Variants in SLMAP observed in about 807,000 individuals in gnomAD.
SLMAP encodes the protein sarcolemma associated protein, also known as sarcolemmal membrane-associated protein.
In SLMAP, 44 loss-of-function variants were observed where a neutral mutation model predicts 128.8. The observed-to-expected ratio is 0.34, with a 90% CI of 0.27 to 0.44. SLMAP has a LOEUF of 0.44. Among genes scored for constraint, SLMAP ranks in the 20% least tolerant of loss-of-function variants. The pLI, the probability that SLMAP is intolerant of heterozygous loss-of-function variation, is 1.00. For missense variants in SLMAP, 787 were observed against 985.3 expected (o/e 0.80, Z 2.69); for synonymous variants, 327 against 348.8 (o/e 0.94, Z 0.70).
At chr3:57,923,605 A>T (rs1273443849) in intron 23 of SLMAP, among the ~76,000 whole-genome samples, 1 of 152,218 alleles carries the variant, frequency 6.6e-6, no homozygotes, top group Non-Finnish European at 1.5e-5. Context: ...CTTTAAAAAG[A>T]TGTTATACTA....
intron 13 of SLMAP, among the ~76,000 whole-genome samples, chr3:57,869,630 T>TTATATGTATGTATATATATA (rs1553900185): frequency 2.6e-5 from 2 of 75,474 alleles, no homozygotes; most frequent in African/African-American, 1.0e-4. Flanking sequence ...CCCATCTCTA[T>TTATATGTATGTATATATATA]TATATATATA....
intron 5 of SLMAP, among the ~76,000 whole-genome samples, chr3:57,847,730 T>C (rs2094321475): frequency 6.6e-6 from 1 of 152,232 alleles, no homozygotes; most frequent in Non-Finnish European, 1.5e-5. Context: ...TGTTCAGAAA[T>C]AATGGTTTAT....
intron 3 of SLMAP, among the ~76,000 whole-genome samples, chr3:57,832,989 C>T (rs1177499331): frequency 6.6e-6 from 1 of 152,176 alleles, no homozygotes; most frequent in African/African-American, 2.4e-5. Context: ...CCATATCACA[C>T]CTACAAGTCA....
Position 57,927,470 on chromosome 3 carries a change from T to G in SLMAP, c.*181T>G, listed in dbSNP as rs2097029925. The G allele has an allele frequency of 1.3e-6, 1 of 750,408 alleles. No individual in the cohort carries two copies. Among genetic ancestry groups the G allele is most frequent in the African/African-American group, 1.7e-5 (1 of 58,238 alleles). The allele number at this position is 750,408 out of a possible 1,614,324, so 46.5% of individuals were successfully genotyped here. On this transcript the variant is annotated 3_prime_UTR_variant, in exon 25 of 25. Transcript: ENST00000671191. ...GCTGGGGACAAACAGAACCATTTTC[T>G]TCCTCTTTACCTCTTAAAACAGCAG...
chr3:57,924,356 CT>C (rs886938323), intron 23 of SLMAP, among the ~76,000 whole-genome samples: 4 of 146,464 alleles, frequency 2.7e-5, no homozygotes, highest in African/African-American at 7.5e-5. Context: ...ACTCAGCTGC[CT>C]TTTTTTTTTC....
intron 2 of SLMAP, among the ~76,000 whole-genome samples, chr3:57,766,068 G>T (rs531332579): frequency 6.8e-6 from 1 of 147,412 alleles, no homozygotes; most frequent in Non-Finnish European, 1.5e-5. Context: ...GCGCGATCTC[G>T]GCTCATTGTA....
In SLMAP at chr3:57,916,939, T is replaced by C; in HGVS notation, c.2172T>C (p.Asp724=). The C allele has an allele frequency of 1.2e-6, 2 of 1,613,932 alleles. No individual in the cohort carries two copies. Among genetic ancestry groups the C allele is most frequent in the South Asian group, 2.2e-5 (2 of 91,074 alleles). The change falls in exon 22 of 25, where the codon GAT becomes GAC. Residue 724 remains aspartate, a synonymous_variant. Transcript: ENST00000671191. ...AGCAGAGTTTAGAGCTTACCAGTGA[T>C]CTCAGCATCCTTCAAATGTCTAGGA... is the stretch of plus-strand genomic sequence containing the variant. ...SQKQSLELTS[D]LSILQMSRKE... is the part of the protein sequence containing the mutation.
chr3:57,918,422 G>C (rs1349880621), intron 22 of SLMAP: 1 of 152,248 alleles, frequency 6.6e-6, no homozygotes, highest in Non-Finnish European at 1.5e-5. Context: ...GTGGCATGTT[G>C]TCACAGCATC....
At chr3:57,885,175 C>T (rs143308699) in intron 14 of SLMAP, among the ~76,000 whole-genome samples, 1,785 of 151,452 alleles carry the variant, frequency 0.012, 35 homozygotes, top group African/African-American at 0.041. Flanking sequence ...CAGGTTCAAG[C>T]AATTCTCCTG....
intron 8 of SLMAP, among the ~76,000 whole-genome samples, chr3:57,860,197 G>A (rs1455276038): frequency 2.0e-5 from 3 of 152,040 alleles, no homozygotes; most frequent in Non-Finnish European, 4.4e-5. Context: ...CCCATCTTTG[G>A]TCTGTGTAAA....
intron 14 of SLMAP, among the ~76,000 whole-genome samples, chr3:57,885,823 G>A (rs1178000291): frequency 3.7e-5 from 4 of 109,104 alleles, no homozygotes; most frequent in African/African-American, 7.3e-5. Flanking sequence ...TTGCTCTGTC[G>A]CCCAGGCTGG....
Position 57,929,909 on chromosome 3 carries a change from A to C in SLMAP, c.*2620A>C, listed in dbSNP as rs917516082. Among the ~76,000 whole-genome samples, 8 of 152,252 alleles carry C rather than the reference A, an allele frequency of 5.3e-5. No homozygotes were observed. Among genetic ancestry groups the C allele is most frequent in the Admixed American group, 5.2e-4 (8 of 15,280 alleles). ...CCATTCGAGTGGTGAATACGTTTTTATGAGAATGTCATACTGAAAAAATAT... is the reference window on the plus strand; with the variant it reads ...CCATTCGAGTGGTGAATACGTTTTTCTGAGAATGTCATACTGAAAAAATAT... On this transcript the variant is annotated 3_prime_UTR_variant, in exon 25 of 25. Transcript: ENST00000671191.
chr3:57,911,248 T>C (rs1020874210), intron 19 of SLMAP, among the ~76,000 whole-genome samples: 1 of 152,200 alleles, frequency 6.6e-6, no homozygotes, highest in East Asian at 1.9e-4. Flanking sequence ...TCATCTTCTC[T>C]GGCCATTGTG....
At chr3:57,768,400 C>T (rs919375826) in intron 2 of SLMAP, among the ~76,000 whole-genome samples, 16 of 152,156 alleles carry the variant, frequency 1.1e-4, no homozygotes, top group African/African-American at 3.9e-4. Context: ...TTTACTTATA[C>T]AAATAACAGG....
chr3:57,868,341 C>T (rs1433470656), intron 13 of SLMAP, among the ~76,000 whole-genome samples: 3 of 151,942 alleles, frequency 2.0e-5, no homozygotes, highest in Non-Finnish European at 4.4e-5. Flanking sequence ...CTCCTGTAAT[C>T]CCAGCAAGGG....
chr3:57,830,670 C>T (rs1236070671), intron 2 of SLMAP, among the ~76,000 whole-genome samples: 5 of 152,158 alleles, frequency 3.3e-5, no homozygotes, highest in Non-Finnish European at 7.3e-5. Context: ...GGACAACCAT[C>T]ACCACTAATT....
At chr3:57,899,627 T>A (rs1380431440) in intron 17 of SLMAP, 1 of 152,210 alleles carries the variant, frequency 6.6e-6, no homozygotes, top group Admixed American at 6.5e-5. Context: ...CTTGAACTTC[T>A]GAGCTCAAGC....
At chr3:57,814,735 A>G (rs2091603381) in intron 2 of SLMAP, among the ~76,000 whole-genome samples, 1 of 151,992 alleles carries the variant, frequency 6.6e-6, no homozygotes, top group South Asian at 2.1e-4. Context: ...GGACTTTGGG[A>G]GGCTGAGGCA....
rs1383567525 is a variant in SLMAP, at chr3:57,906,671, AAAAATATAT to A, written c.1502-1211_1502-1203del. Reference sequence around the variant, plus strand: ...AGGATATAATCTATGAATATGAAAAAAAAATATATATATATATATATATATATATAATTT... The same window carrying A: ...AGGATATAATCTATGAATATGAAAAAATATATATATATATATATATAATTT... On this transcript the variant is annotated intron_variant, in intron 17 of 24. Transcript: ENST00000671191. Among the ~76,000 whole-genome samples the A allele has an allele frequency of 7.5e-3, 208 of 27,820 alleles. 1 individual carries two copies. The highest frequency in any genetic ancestry group is 0.016 in the African/African-American group (196 of 12,282). 18.3% of individuals were successfully genotyped at this position (27,820 alleles called of 152,430 possible).
Sources: allele counts gnomAD v4.1 joint callset (sites outside exome capture counted in the v4.1 genomes callset), GRCh38; gene constraint gnomAD v4.1.1; transcripts MANE v1.5; gene names NCBI Gene and HGNC (gene_info 2026-07-23, HGNC 2026-07-21).